The following MAPK8 variants were observed in gnomAD, a reference collection of about 807,000 sequenced individuals.
MAPK8 encodes the protein mitogen-activated protein kinase 8.
MAPK8 carries 13 observed loss-of-function variants against 52.9 expected under a neutral mutation model. The ratio of observed to expected loss-of-function variants is 0.25; its 90% CI spans 0.16 to 0.39. The LOEUF (loss-of-function observed/expected upper bound fraction) is 0.39, where lower values mean the gene tolerates loss of function less well. MAPK8 is among the 10% of genes least tolerant of loss of function. The pLI, the probability that MAPK8 is intolerant of heterozygous loss-of-function variation, is 1.00. For synonymous variants in MAPK8, 191 were observed against 169.8 expected (o/e 1.12, Z -0.97); for missense variants, 300 against 519.2 (o/e 0.58, Z 4.10).
intron 1 of MAPK8, chr10:48,308,052 T>G (rs1841580461): frequency 6.6e-6 from 1 of 152,244 alleles, no homozygotes; most frequent in African/African-American, 2.4e-5. Context: ...TTGGTCTAAA[T>G]ATACAACAGC....
In MAPK8 at chr10:48,333,799, C is replaced by T. The variant is rs535835931; in HGVS notation, c.-50+26978C>T. On this transcript the variant is annotated intron_variant, in intron 1 of 11. Transcript: ENST00000374189. ...ATGCCTCTGCGGGGGAACGTTGGGTCAGCAACGGCCAGAGGAAATCCTAAG... is the reference window on the plus strand; with the variant it reads ...ATGCCTCTGCGGGGGAACGTTGGGTTAGCAACGGCCAGAGGAAATCCTAAG... Among the ~76,000 whole-genome samples, 3 of 152,404 alleles carry T rather than the reference C, an allele frequency of 2.0e-5. No individual in the cohort carries two copies. The South Asian group carries it at 6.2e-4, about 32-fold the overall frequency.
intron 1 of MAPK8, among the ~76,000 whole-genome samples, chr10:48,346,128 C>T (rs1386370749): frequency 6.6e-6 from 1 of 152,092 alleles, no homozygotes; most frequent in Admixed American, 6.5e-5. Context: ...AGCCTGTGGG[C>T]GGCAAGCCAC....
At chr10:48,399,622 G>A (rs538418997) in intron 1 of MAPK8, among the ~76,000 whole-genome samples, 2 of 152,352 alleles carry the variant, frequency 1.3e-5, no homozygotes, top group South Asian at 4.1e-4. Flanking sequence ...CCTACTGCAT[G>A]CATGTTCCTG....
At chr10:48,311,020 A>G (rs187739290) in intron 1 of MAPK8, among the ~76,000 whole-genome samples, 103 of 142,706 alleles carry the variant, frequency 7.2e-4, no homozygotes, top group African/African-American at 2.4e-3. Context: ...TAACTGTGGT[A>G]TAGGCTAGTT....
chr10:48,357,441 C>A (rs572330686), intron 1 of MAPK8, among the ~76,000 whole-genome samples: 1 of 152,280 alleles, frequency 6.6e-6, no homozygotes, highest in South Asian at 2.1e-4. Context: ...TTTACCTATG[C>A]TGGAGTGCGG....
intron 1 of MAPK8, among the ~76,000 whole-genome samples, chr10:48,381,718 CTA>C (rs1401531832): frequency 6.6e-6 from 1 of 152,078 alleles, no homozygotes; most frequent in Admixed American, 6.5e-5. Context: ...GTAAACTAAA[CTA>C]AAACATATCT....
chr10:48,416,801 C>A (rs750127333), intron 5 of MAPK8, among the ~76,000 whole-genome samples: 19 of 152,198 alleles, frequency 1.2e-4, no homozygotes, highest in Non-Finnish European at 2.6e-4. Flanking sequence ...CCTGACTGAT[C>A]TCTGTGGTTC....
chr10:48,376,030 C>A (rs2040640047), intron 1 of MAPK8, among the ~76,000 whole-genome samples: 1 of 152,056 alleles, frequency 6.6e-6, no homozygotes, highest in South Asian at 2.1e-4. Context: ...GGTACTGATA[C>A]CAAAACAGAT....
At chr10:48,433,577 T>C (rs61838700) in intron 11 of MAPK8, among the ~76,000 whole-genome samples, 4,612 of 152,308 alleles carry the variant, frequency 0.03, 82 homozygotes, top group Non-Finnish European at 0.04. Context: ...ATGCTCATCC[T>C]GCTTTTCTCT....
chr10:48,355,343 A>G (rs1002533325), intron 1 of MAPK8, among the ~76,000 whole-genome samples: 14 of 152,104 alleles, frequency 9.2e-5, no homozygotes, highest in Non-Finnish European at 2.9e-5. Flanking sequence ...CCCCATCTCT[A>G]CTAAAAATAC....
chr10:48,355,234 G>A (rs994390945), intron 1 of MAPK8, among the ~76,000 whole-genome samples: 3 of 152,182 alleles, frequency 2.0e-5, no homozygotes, highest in Admixed American at 2.0e-4. Context: ...ATAGGGCTGG[G>A]CGTGGTGGCT....
chr10:48,356,518 T>C (rs1342430263), intron 1 of MAPK8, among the ~76,000 whole-genome samples: 1 of 151,998 alleles, frequency 6.6e-6, no homozygotes, highest in Non-Finnish European at 1.5e-5. Context: ...TAAGCCCCAA[T>C]TAGTTTGAGT....
At chr10:48,366,038 T>C (rs1847996467) in intron 1 of MAPK8, among the ~76,000 whole-genome samples, 1 of 152,098 alleles carries the variant, frequency 6.6e-6, no homozygotes, top group African/African-American at 2.4e-5. Flanking sequence ...ATGAGAAAAT[T>C]CTTTTAGAAT....
Position 48,433,413 on chromosome 10 carries a change from T to C in MAPK8, c.1139-1471T>C, listed in dbSNP as rs143522419. Among the ~76,000 whole-genome samples, 265 of 152,352 alleles carry C rather than the reference T, an allele frequency of 1.7e-3. 2 individuals are homozygous for C. The highest frequency in any genetic ancestry group is 5.7e-3 in the African/African-American group (235 of 41,580). On this transcript the variant is annotated intron_variant, in intron 11 of 11. Coordinates refer to ENST00000374189, the MANE Select transcript of MAPK8 (RefSeq NM_001323329.2). ...GTGTACTATGTATGGTACACAGATA[T>C]ACCATACTGTTCAGTCAGAAAAGGC...
At chr10:48,341,983 G>A (rs958616435) in intron 1 of MAPK8, among the ~76,000 whole-genome samples, 1 of 152,250 alleles carries the variant, frequency 6.6e-6, no homozygotes, top group African/African-American at 2.4e-5. Flanking sequence ...AGGAACTGAG[G>A]GAAGGCTAAT....
chr10:48,321,607 C>T (rs1334442492), intron 1 of MAPK8, among the ~76,000 whole-genome samples: 1 of 152,138 alleles, frequency 6.6e-6, no homozygotes. Flanking sequence ...ATGAAGACAA[C>T]TTCTGCATTT....
At chr10:48,356,700 G>A (rs541379986) in intron 1 of MAPK8, among the ~76,000 whole-genome samples, 10 of 151,994 alleles carry the variant, frequency 6.6e-5, no homozygotes, top group Non-Finnish European at 1.2e-4. Flanking sequence ...AAATTAGCTG[G>A]TTCTAATGGC....
intron 3 of MAPK8, 92 bp downstream of exon 3, chr10:48,405,073 A>C: frequency 1.5e-6 from 1 of 658,080 alleles, no homozygotes; most frequent in African/African-American, 1.8e-5. Flanking sequence ...TAGGGGCTTT[A>C]AATTGTTCTG....
At chr10:48,391,351 C>G (rs753003927) in intron 1 of MAPK8, among the ~76,000 whole-genome samples, 29 of 152,082 alleles carry the variant, frequency 1.9e-4, no homozygotes, top group Non-Finnish European at 3.8e-4. Context: ...AACAAGAGTT[C>G]CTTTGTTTTT....
Sources: allele counts gnomAD v4.1 joint callset (sites outside exome capture counted in the v4.1 genomes callset), GRCh38; gene constraint gnomAD v4.1.1; transcripts MANE v1.5; gene names NCBI Gene and HGNC (gene_info 2026-07-23, HGNC 2026-07-21).